Variants in ATP2B1 observed in about 807,000 individuals in gnomAD.
The protein encoded by ATP2B1 is ATPase plasma membrane Ca2+ transporting 1.
A neutral mutation model predicts 124.2 loss-of-function variants in ATP2B1; 14 were observed. That is an observed-to-expected ratio of 0.11 (90% CI 0.07 to 0.18). ATP2B1 has a LOEUF of 0.18. ATP2B1 is among the 10% of genes least tolerant of loss of function. The probability of loss-of-function intolerance (pLI) is 1.00; values close to 1 mark genes in which losing one functional copy is unlikely to be tolerated. For missense variants in ATP2B1, 763 were observed against 1,466.1 expected, an observed-to-expected ratio of 0.52 and a Z score of 7.83; for synonymous variants, 449 against 492.4, an observed-to-expected ratio of 0.91 and a Z score of 1.17.
intron 1 of ATP2B1, among the ~76,000 whole-genome samples, chr12:89,677,971 T>TACACACACACACACACAC (rs869199593): frequency 1.9e-5 from 1 of 52,306 alleles, no homozygotes; most frequent in Admixed American, 1.9e-4. Flanking sequence ...TATATATATA[T>TACACACACACACACACAC]ACACACACAC....
chr12:89,602,591 T>G (rs921587389), intron 18 of ATP2B1, among the ~76,000 whole-genome samples: 1 of 152,148 alleles, frequency 6.6e-6, no homozygotes, highest in Admixed American at 6.5e-5. Flanking sequence ...TGGATTTTAG[T>G]AGAGATATAA....
At chr12:89,655,089 A>G (rs902990891) in intron 2 of ATP2B1, among the ~76,000 whole-genome samples, 2 of 152,226 alleles carry the variant, frequency 1.3e-5, no homozygotes, top group Non-Finnish European at 2.9e-5. Context: ...CAAATTTATG[A>G]AACCAAAGGC....
chr12:89,603,671 GA>G lies in ATP2B1; in HGVS notation c.2848+40del. On this transcript the variant is annotated intron_variant, in intron 17 of 20. Transcript: ENST00000428670. This position sits in a 1 kb window ranked among gnomAD's most constrained non-coding sequence, Gnocchi z 4.3. ...CATCTTGGATGATTAGCTTGGAAAAGAAACAATTAACTGAAGCTTTATTAGA... is the reference window on the plus strand; with the variant it reads ...CATCTTGGATGATTAGCTTGGAAAAGAACAATTAACTGAAGCTTTATTAGA... 1 of 1,579,770 alleles carries G rather than the reference GA, an allele frequency of 6.3e-7. No homozygotes were observed.
chr12:89,666,373 G>C (rs1887319174), intron 1 of ATP2B1, among the ~76,000 whole-genome samples: 1 of 152,142 alleles, frequency 6.6e-6, no homozygotes, highest in African/African-American at 2.4e-5. Flanking sequence ...TATTCAAGCG[G>C]AGGGCCACAA....
chr12:89,621,409 C>T, intron 10 of ATP2B1, 140 bp downstream of exon 10: 3 of 613,660 alleles, frequency 4.9e-6, no homozygotes, highest in African/African-American at 3.8e-5. Context: ...AATTTAAAAA[C>T]CATTATATAA....
At chr12:89,617,946 T>C (rs1020401531) in intron 11 of ATP2B1, among the ~76,000 whole-genome samples, 86 of 152,190 alleles carry the variant, frequency 5.7e-4, no homozygotes, top group Admixed American at 5.4e-3. Flanking sequence ...CTAAGTCCTA[T>C]ACATTTCTCC....
chr12:89,612,482 T>C (rs1017743114), intron 12 of ATP2B1, among the ~76,000 whole-genome samples: 1 of 151,664 alleles, frequency 6.6e-6, no homozygotes. Flanking sequence ...TATTTAGCTC[T>C]AGCCTATTTC....
intron 1 of ATP2B1, among the ~76,000 whole-genome samples, chr12:89,688,500 A>C (rs1405225873): frequency 1.3e-5 from 2 of 152,206 alleles, no homozygotes; most frequent in Admixed American, 6.5e-5. Context: ...CACTATGATA[A>C]ATGGACAGAC....
chr12:89,633,067 A>G (rs146991327), intron 5 of ATP2B1, among the ~76,000 whole-genome samples: 15 of 152,174 alleles, frequency 9.9e-5, no homozygotes, highest in African/African-American at 3.6e-4. Context: ...CTGTGATGGT[A>G]AGGTATGATT....
intron 1 of ATP2B1, among the ~76,000 whole-genome samples, chr12:89,689,774 A>G (rs1890349169): frequency 6.6e-6 from 1 of 152,130 alleles, no homozygotes; most frequent in Non-Finnish European, 1.5e-5. Context: ...TTCATCTCCT[A>G]TCCTTCCTCA....
At position 89,610,729 on chromosome 12, in the gene ATP2B1, A is replaced by G; in HGVS notation, c.2248-221T>C. On this transcript the variant is annotated intron_variant, in intron 13 of 20. Transcript: ENST00000428670. ...CAATCTGTGTTTTAATAATCTTGCT[A>G]GGTGACTTTGATGCATACTCAAGTT... 8 of 493,052 alleles carry G rather than the reference A, an allele frequency of 1.6e-5. No individual in the cohort carries two copies. In the South Asian group the frequency reaches 2.5e-4, roughly 15 times the overall value. 30.5% of individuals were successfully genotyped at this position (493,052 alleles called of 1,614,324 possible). A position where few individuals can be genotyped will look rare whatever the true frequency, so the allele number is the denominator to read the frequency against.
At chr12:89,614,953 T>C (rs959016993) in intron 12 of ATP2B1, among the ~76,000 whole-genome samples, 1 of 152,122 alleles carries the variant, frequency 6.6e-6, no homozygotes, top group Admixed American at 6.5e-5. Flanking sequence ...CTAATCCCTG[T>C]CTTACACGTA....
intron 2 of ATP2B1, among the ~76,000 whole-genome samples, chr12:89,644,691 C>T (rs564692296): frequency 6.6e-6 from 1 of 152,172 alleles, no homozygotes; most frequent in East Asian, 1.9e-4. Flanking sequence ...TGTTTGAATG[C>T]TCTTACCAGC....
chr12:89,663,180 A>G (rs1182763844), intron 1 of ATP2B1, among the ~76,000 whole-genome samples: 1 of 152,244 alleles, frequency 6.6e-6, no homozygotes, highest in Non-Finnish European at 1.5e-5. Flanking sequence ...CACTGTTTAA[A>G]AGAATATGTT....
At chr12:89,686,320 C>A (rs979646181) in intron 1 of ATP2B1, among the ~76,000 whole-genome samples, 1 of 152,076 alleles carries the variant, frequency 6.6e-6, no homozygotes. Context: ...CCAATATCTA[C>A]AATCCATTGT....
intron 1 of ATP2B1, among the ~76,000 whole-genome samples, chr12:89,696,307 C>T (rs751246538): frequency 5.9e-5 from 9 of 152,144 alleles, no homozygotes; most frequent in Non-Finnish European, 1.0e-4. Context: ...AGACCACAAA[C>T]TACCAAAATC....
At chr12:89,625,291 A>G (rs1880673263) in intron 8 of ATP2B1, among the ~76,000 whole-genome samples, 1 of 150,732 alleles carries the variant, frequency 6.6e-6, no homozygotes, top group Non-Finnish European at 1.5e-5. Context: ...CCCGCCCCCA[A>G]AAATAGAGGC....
chr12:89,684,920 C>G (rs1889783425), intron 1 of ATP2B1, among the ~76,000 whole-genome samples: 1 of 152,108 alleles, frequency 6.6e-6, no homozygotes, highest in African/African-American at 2.4e-5. Context: ...ATTTCAATTT[C>G]TAAACCAATG....
chr12:89,686,921 A>G (rs1890029675), intron 1 of ATP2B1, among the ~76,000 whole-genome samples: 1 of 152,084 alleles, frequency 6.6e-6, no homozygotes, highest in African/African-American at 2.4e-5. Flanking sequence ...TTCCTTTAAT[A>G]TAATACTCCT....
Sources: allele counts gnomAD v4.1 joint callset (sites outside exome capture counted in the v4.1 genomes callset), GRCh38; gene constraint gnomAD v4.1.1; non-coding constraint Gnocchi (gnomAD v3.1); transcripts MANE v1.5; gene names NCBI Gene and HGNC (gene_info 2026-07-23, HGNC 2026-07-21).